MPG: variants seen among roughly 807,000 people sequenced by gnomAD.
MPG encodes the protein DNA-3-methyladenine glycosylase.
Under a neutral mutation model 31.7 loss-of-function variants are expected in MPG, and 33 were observed. The observed-to-expected ratio is 1.04, with a 90% CI of 0.79 to 1.39. The LOEUF (loss-of-function observed/expected upper bound fraction) is 1.39. MPG is among the 40% of genes most tolerant of loss of function. The pLI is 0.00. For missense variants in MPG, 455 were observed against 415.5 expected, an observed-to-expected ratio of 1.10 and a Z score of -0.83; for synonymous variants, 202 against 169.2, an observed-to-expected ratio of 1.19 and a Z score of -1.51.
upstream of MPG, chr16:78,192 C>A: frequency 1.0e-6 from 1 of 975,230 alleles, no homozygotes; most frequent in Non-Finnish European, 1.3e-6. Flanking sequence ...CTCCCGGCTT[C>A]CGTCCCCTTC....
chr16:85,263 C>T (rs1898396197), intron 3 of MPG, 138 bp from the exon 4 acceptor site: 2 of 1,002,206 alleles, frequency 2.0e-6, no homozygotes, highest in Non-Finnish European at 2.9e-6. Context: ...GGAGATGGTG[C>T]AGGTGCACAG....
upstream of MPG, chr16:77,202 T>C (rs1596481653): frequency 6.6e-6 from 1 of 151,686 alleles, no homozygotes; most frequent in African/African-American, 2.4e-5. Context: ...GCGGCAGAGG[T>C]GGGTTGTGGG....
chr16:85,688 T>C lies in MPG; in HGVS notation c.793T>C (p.Trp265Arg). Residue 265 changes from tryptophan (W) to arginine (R), a missense_variant, in exon 4 of 4, where the codon TGG becomes CGG. Transcript: ENST00000356432. ...GGTGGGCGTCGGCCATGCAGGGGAG[T>C]GGGCCCGGAAACCCCTCCGCTTCTA... ...ARVGVGHAGE[W>R]ARKPLRFYVR... 6.4e-7 allele frequency: 1 copy of C among 1,554,126 alleles called. No individual in the cohort carries two copies. The highest frequency in any genetic ancestry group is 8.7e-7 in the Non-Finnish European group (1 of 1,147,268).
At position 79,544 on chromosome 16, in the gene MPG, G is replaced by T. The variant is rs1898184543; in HGVS notation, c.144G>T (p.Gln48His). Residue 48 changes from glutamine to histidine, a missense_variant, in exon 2 of 4, where the codon CAG (glutamine) becomes CAT (histidine). By Grantham distance (24) the Gln-to-His change is conservative. Transcript: ENST00000356432. Reference sequence around the variant, plus strand: ...CACACAGCTCGTCCGATGCAGCCCAGGCACCTTGCCCCAGGGAGCGCTGCT... The same window carrying T: ...CACACAGCTCGTCCGATGCAGCCCATGCACCTTGCCCCAGGGAGCGCTGCT... ...EQPHSSSDAAQAPCPRERCLG... is the reference protein window; with the variant it reads ...EQPHSSSDAAHAPCPRERCLG... 2.5e-6 allele frequency: 4 copies of T among 1,613,018 alleles called. No individual in the cohort carries two copies. Among genetic ancestry groups the T allele is most frequent in the Non-Finnish European group, 3.4e-6 (4 of 1,179,988 alleles).
Position 83,224 on chromosome 16 carries a change from G to T in MPG, c.473G>T (p.Gly158Val), listed in dbSNP as rs184674571. 26 of 1,612,824 alleles carry T rather than the reference G, an allele frequency of 1.6e-5. No individual in the cohort carries two copies. The Admixed American group carries it at 4.0e-4, about 25-fold the overall frequency. ...ACCCTGTACGTGTACATCATTTACG[G>T]CATGTACTTCTGCATGAACATCTCC... ...PGTLYVYIIY[G>V]MYFCMNISSQ... The change falls in exon 3 of 4, where the codon GGC (glycine) becomes GTC (valine). Residue 158 changes from glycine to valine, a missense_variant. By Grantham distance (109) the Gly-to-Val change is moderately radical (BLOSUM62 -3). Transcript: ENST00000356432.
chr16:77,958 A>C, upstream of MPG: 3 of 179,808 alleles, frequency 1.7e-5, no homozygotes, highest in Non-Finnish European at 3.5e-5. Context: ...CCAGGCGACC[A>C]GGGCGCAGGC....
chr16:83,887 G>A lies in MPG; in HGVS notation c.505+631G>A, dbSNP rs539211668. Among the ~76,000 whole-genome samples, 12 of 152,336 alleles carry A rather than the reference G, an allele frequency of 7.9e-5. No individual in the cohort carries two copies. The South Asian group carries it at 2.1e-3, about 26-fold the overall frequency. Reference sequence around the variant, plus strand: ...GAGAAGAGGATGACTGCAGTGCTAAGAGCAGCGTGGTCAGGTTGCCAAGGA... The same window carrying A: ...GAGAAGAGGATGACTGCAGTGCTAAAAGCAGCGTGGTCAGGTTGCCAAGGA... On this transcript the variant is annotated intron_variant, in intron 3 of 3. Transcript: ENST00000356432.
At chr16:85,176 A>G (rs1898391804) in intron 3 of MPG, among the ~76,000 whole-genome samples, 1 of 152,222 alleles carries the variant, frequency 6.6e-6, no homozygotes, top group African/African-American at 2.4e-5. Context: ...CTCATGGTGC[A>G]GGCTTGGAGG....
intron 1 of MPG, 117 bp downstream of exon 1, chr16:78,450 G>A (rs1445910714): frequency 1.1e-6 from 1 of 919,868 alleles, no homozygotes; most frequent in Non-Finnish European, 1.4e-6. Context: ...CCGCCCCGAG[G>A]GTTCGGGGCA....
intron 2 of MPG, 63 bp from the exon 3 acceptor site, chr16:82,989 G>GCA: frequency 7.0e-7 from 1 of 1,423,264 alleles, no homozygotes; most frequent in Non-Finnish European, 9.6e-7. Flanking sequence ...TCCAGGCTGG[G>GCA]CACTGTTAGG....
chr16:84,904 G>A (rs1898379034), intron 3 of MPG, among the ~76,000 whole-genome samples: 1 of 152,194 alleles, frequency 6.6e-6, no homozygotes, highest in Non-Finnish European at 1.5e-5. Flanking sequence ...AGTGGGTGAG[G>A]CAGAAGGGGA....
intron 2 of MPG, among the ~76,000 whole-genome samples, chr16:80,222 G>C (rs548051705): frequency 2.8e-4 from 43 of 152,344 alleles, no homozygotes; most frequent in Middle Eastern, 3.4e-3. Flanking sequence ...CCCACGAGCA[G>C]ATGCTCACAC....
At position 85,757 on chromosome 16, in the gene MPG, G is replaced by A. The variant is rs1377338969; in HGVS notation, c.862G>A (p.Glu288Lys). ...GGTCAGTGTGGTCGACAGAGTGGCT[G>A]AGCAGGACACACAGGCCTGAGCAAA... ...PWVSVVDRVA[E>K]QDTQA Residue 288 changes from glutamate (E) to lysine (K), a missense_variant, in exon 4 of 4, where the codon GAG becomes AAG. By Grantham distance (56) the Glu-to-Lys change is moderately conservative. Transcript: ENST00000356432. The A allele has an allele frequency of 4.0e-6, 6 of 1,510,656 alleles. No homozygotes were observed. Among genetic ancestry groups the A allele is most frequent in the East Asian group, 2.3e-5 (1 of 43,744 alleles). The allele number at this position is 1,510,656 out of a possible 1,614,324, so 93.6% of individuals were successfully genotyped here. A position where few individuals can be genotyped will look rare whatever the true frequency, so the allele number is the denominator to read the frequency against.
At chr16:82,088 GGCCCCTTCTTCCC>G (rs1898260293) in intron 2 of MPG, among the ~76,000 whole-genome samples, 1 of 96,624 alleles carries the variant, frequency 1.0e-5, no homozygotes, top group African/African-American at 7.1e-5. Context: ...TCCCCACGCT[GGCCCCTTCTTCCC>G]ACCACCCTAC....
In MPG at chr16:79,557, A is replaced by G; in HGVS notation, c.157A>G (p.Arg53Gly). ...CGATGCAGCCCAGGCACCTTGCCCC[A>G]GGGAGCGCTGCTTGGGACCGCCCAC... is the stretch of plus-strand genomic sequence containing the variant. ...SSDAAQAPCP[R>G]ERCLGPPTTP... The change falls in exon 2 of 4, where the codon AGG becomes GGG. Residue 53 changes from arginine (R) to glycine (G), a missense_variant. Transcript: ENST00000356432. 3 of 1,612,724 alleles carry G rather than the reference A, an allele frequency of 1.9e-6. No individual in the cohort carries two copies. The highest frequency in any genetic ancestry group is 1.7e-5 in the Admixed American group (1 of 59,968).
In MPG at chr16:79,455, C is replaced by G. The variant is rs751241579; in HGVS notation, c.55C>G (p.Arg19Gly). Reference protein sequence around the residue: ...FCRRMGQKKQRPARAGQPHSS... With the variant: ...FCRRMGQKKQGPARAGQPHSS... ...CCGACGGATGGGGCAAAAGAAGCAGCGACCAGCTAGAGCAGGGCAGCCACA... is the reference window on the plus strand; with the variant it reads ...CCGACGGATGGGGCAAAAGAAGCAGGGACCAGCTAGAGCAGGGCAGCCACA... The change falls in exon 2 of 4, where the codon CGA becomes GGA. Residue 19 changes from arginine (R) to glycine (G), a missense_variant. By Grantham distance (125) the Arg-to-Gly change is moderately radical. Coordinates refer to ENST00000356432, the MANE Select transcript of MPG (RefSeq NM_001015052.3). 7 of 1,613,004 alleles carry G rather than the reference C, an allele frequency of 4.3e-6. No individual in the cohort carries two copies. The highest frequency in any genetic ancestry group is 5.9e-6 in the Non-Finnish European group (7 of 1,180,022).
intron 2 of MPG, among the ~76,000 whole-genome samples, chr16:80,426 A>G (rs1898208165): frequency 6.6e-6 from 1 of 152,250 alleles, no homozygotes; most frequent in South Asian, 2.1e-4. Context: ...GTTGGGTGCT[A>G]AAGGAGCAGA....
Position 78,243 on chromosome 16 carries a change from G to T in MPG, c.-67G>T, listed in dbSNP as rs1203372233. 1.5e-6 allele frequency: 2 copies of T among 1,356,920 alleles called. No individual in the cohort carries two copies. Among genetic ancestry groups the T allele is most frequent in the Non-Finnish European group, 1.9e-6 (2 of 1,047,626 alleles). 84.1% of individuals were successfully genotyped at this position (1,356,920 alleles called of 1,614,324 possible). On this transcript the variant is annotated 5_prime_UTR_variant, in exon 1 of 4. Coordinates refer to ENST00000356432, the MANE Select transcript of MPG (RefSeq NM_001015052.3). Reference sequence around the variant, plus strand: ...CCGCCCCGGTCCTAGGGGTGCTTCCGTGGTCGGCGGCTGCTGGGCTCCGCG... The same window carrying T: ...CCGCCCCGGTCCTAGGGGTGCTTCCTTGGTCGGCGGCTGCTGGGCTCCGCG...
chr16:80,636 C>G lies in MPG; in HGVS notation c.300+936C>G, dbSNP rs570904901. On this transcript the variant is annotated intron_variant, in intron 2 of 3. Coordinates refer to ENST00000356432, the MANE Select transcript of MPG (RefSeq NM_001015052.3). ...CCAGCCTGACCAACATGGTGAAACC[C>G]CATCTCTACTAAAAATACAAAAATT... 1.6e-4 allele frequency among the ~76,000 whole-genome samples: 25 copies of G among 152,204 alleles called. No individual in the cohort carries two copies. In the East Asian group the frequency reaches 4.8e-3, roughly 29 times the overall value.
Sources: gnomAD v4.1 joint callset for allele counts (sites outside exome capture counted in the v4.1 genomes callset) on GRCh38, gnomAD v4.1.1 for gene constraint, MANE v1.5 for transcripts, NCBI Gene and HGNC (gene_info 2026-07-23, HGNC 2026-07-21) for gene names.